The following IFTAP variants were observed in gnomAD, a reference collection of about 807,000 sequenced individuals.
IFTAP encodes intraflagellar transport-associated protein.
IFTAP carries 19 observed loss-of-function variants against 19.4 expected under a neutral mutation model. That is an observed-to-expected ratio of 0.98 (90% CI 0.68 to 1.44). The LOEUF is 1.44. Among genes scored for constraint, IFTAP ranks in the 40% most tolerant of loss-of-function variants. The pLI is 0.00. For synonymous variants in IFTAP, 85 were observed against 83.5 expected (o/e 1.02, Z -0.10); for missense variants, 240 against 253.6 (o/e 0.95, Z 0.36).
intron 4 of IFTAP, among the ~76,000 whole-genome samples, chr11:36,641,619 T>C (rs1231860063): frequency 6.6e-6 from 1 of 152,224 alleles, no homozygotes; most frequent in Non-Finnish European, 1.5e-5. Flanking sequence ...TCTAGTTTGA[T>C]TGCACTGTGG....
chr11:36,595,588 G>A (rs1851187278), intron 1 of IFTAP, among the ~76,000 whole-genome samples: 1 of 152,220 alleles, frequency 6.6e-6, no homozygotes, highest in South Asian at 2.1e-4. Flanking sequence ...TCCTGGCTCT[G>A]CCACTAACTA....
At chr11:36,617,873 A>G (rs1852149609) in intron 2 of IFTAP, among the ~76,000 whole-genome samples, 2 of 151,970 alleles carry the variant, frequency 1.3e-5, no homozygotes, top group African/African-American at 4.8e-5. Flanking sequence ...CCTCCTCTGT[A>G]CAATTATACC....
chr11:36,623,143 T>C (rs73437955), intron 2 of IFTAP, among the ~76,000 whole-genome samples: 17,252 of 152,162 alleles, frequency 0.11, 1,152 homozygotes, highest in African/African-American at 0.17. Flanking sequence ...TATTAAAAAG[T>C]AGATTCCTAG....
chr11:36,604,251 A>G (rs1851612773), intron 1 of IFTAP, among the ~76,000 whole-genome samples: 1 of 152,110 alleles, frequency 6.6e-6, no homozygotes. Context: ...GCAAAGGGCT[A>G]TACCTAGGGC....
At chr11:36,597,412 C>T (rs1851313761) in intron 1 of IFTAP, among the ~76,000 whole-genome samples, 1 of 152,150 alleles carries the variant, frequency 6.6e-6, no homozygotes, top group Admixed American at 6.6e-5. Context: ...TCCTGTTCTT[C>T]AGCTGAGGGA....
chr11:36,602,426 T>A (rs1024072406), intron 1 of IFTAP, among the ~76,000 whole-genome samples: 7 of 152,208 alleles, frequency 4.6e-5, no homozygotes, highest in Admixed American at 2.0e-4. Flanking sequence ...TAAGAGTGGA[T>A]GCCTTTGTGT....
At chr11:36,601,176 A>T (rs1221960514) in intron 1 of IFTAP, among the ~76,000 whole-genome samples, 1 of 152,242 alleles carries the variant, frequency 6.6e-6, no homozygotes, top group Non-Finnish European at 1.5e-5. Context: ...GCAACTTTTC[A>T]TAGCATTAGG....
intron 4 of IFTAP, among the ~76,000 whole-genome samples, chr11:36,636,849 AG>A (rs1407755305): frequency 6.6e-6 from 1 of 151,862 alleles, no homozygotes; most frequent in East Asian, 1.9e-4. Flanking sequence ...TTTTCTTTCT[AG>A]TTAACATTTC....
At chr11:36,598,558 A>G (rs534641864) in intron 1 of IFTAP, among the ~76,000 whole-genome samples, 2 of 152,358 alleles carry the variant, frequency 1.3e-5, no homozygotes, top group East Asian at 3.9e-4. Flanking sequence ...GAGACCACTA[A>G]TACCAGTGCT....
At chr11:36,648,381 G>A (rs1853576954) in intron 5 of IFTAP, 1 of 500,664 alleles carries the variant, frequency 2.0e-6, no homozygotes, top group African/African-American at 1.9e-5. Context: ...GTTTTACAGT[G>A]TATGCCATGC....
At chr11:36,654,048 C>T (rs1184030254) in intron 5 of IFTAP, among the ~76,000 whole-genome samples, 1 of 152,122 alleles carries the variant, frequency 6.6e-6, no homozygotes, top group East Asian at 1.9e-4. Flanking sequence ...TCATCTTGGA[C>T]CCCTCTTTGG....
intron 1 of IFTAP, among the ~76,000 whole-genome samples, chr11:36,604,588 G>A (rs1229064727): frequency 1.3e-5 from 2 of 152,070 alleles, no homozygotes. Flanking sequence ...TCAGCCTGTG[G>A]CCTTTTGAAT....
intron 2 of IFTAP, among the ~76,000 whole-genome samples, chr11:36,617,943 T>C (rs1249993138): frequency 6.6e-6 from 1 of 152,066 alleles, no homozygotes; most frequent in African/African-American, 2.4e-5. Context: ...ATATTACTAC[T>C]GATAGCAGCT....
intron 5 of IFTAP, among the ~76,000 whole-genome samples, chr11:36,655,699 T>C (rs1853952253): frequency 6.6e-6 from 1 of 152,216 alleles, no homozygotes; most frequent in Admixed American, 6.5e-5. Flanking sequence ...GTTATTACTA[T>C]TTTTTATTTC....
chr11:36,641,048 A>G (rs1285076684), intron 4 of IFTAP, among the ~76,000 whole-genome samples: 1 of 152,108 alleles, frequency 6.6e-6, no homozygotes, highest in Non-Finnish European at 1.5e-5. Flanking sequence ...ATCCACAACT[A>G]TATAAAAAGA....
At chr11:36,612,995 G>A (rs74797854) in intron 2 of IFTAP, among the ~76,000 whole-genome samples, 3 of 152,130 alleles carry the variant, frequency 2.0e-5, no homozygotes, top group East Asian at 1.9e-4. Context: ...TTTTTAAACC[G>A]TGGTACATGT....
At chr11:36,603,780 G>T (rs2133359030) in intron 1 of IFTAP, among the ~76,000 whole-genome samples, 1 of 152,130 alleles carries the variant, frequency 6.6e-6, no homozygotes, top group East Asian at 1.9e-4. Flanking sequence ...AAATTAGTCA[G>T]GTGTGGTGGT....
intron 2 of IFTAP, among the ~76,000 whole-genome samples, chr11:36,624,885 A>G (rs1043352811): frequency 6.6e-6 from 1 of 152,170 alleles, no homozygotes; most frequent in South Asian, 2.1e-4. Context: ...CTGTTGCATG[A>G]GCGAGAAATA....
chr11:36,651,542 A>C (rs552144182), intron 5 of IFTAP, among the ~76,000 whole-genome samples: 7 of 152,234 alleles, frequency 4.6e-5, no homozygotes, highest in Non-Finnish European at 8.8e-5. Context: ...GCTGTGCAGA[A>C]GCTCTTTAGT....
Sources: allele counts gnomAD v4.1 joint callset (sites outside exome capture counted in the v4.1 genomes callset), GRCh38; gene constraint gnomAD v4.1.1; transcripts MANE v1.5; gene names NCBI Gene and HGNC (gene_info 2026-07-23, HGNC 2026-07-21).